Variants in ROBO1 observed in about 807,000 individuals in gnomAD.
ROBO1 encodes roundabout guidance receptor 1, also known as roundabout homolog 1.
Under a neutral mutation model 195.9 loss-of-function variants are expected in ROBO1, and 149 were observed. The observed-to-expected ratio is 0.76, with a 90% CI of 0.67 to 0.87. ROBO1 has a LOEUF of 0.87. Among genes scored for constraint, ROBO1 ranks in the 40% least tolerant of loss-of-function variants. ROBO1 has a pLI of 0.00. For missense variants in ROBO1, 1,933 were observed against 2,068.3 expected (o/e 0.93, Z 1.27); for synonymous variants, 816 against 733.2 (o/e 1.11, Z -1.82).
chr3:79,333,205 TA>T (rs72117935), intron 2 of ROBO1, among the ~76,000 whole-genome samples: 15,702 of 130,240 alleles, frequency 0.12, 825 homozygotes, highest in Middle Eastern at 0.16. Flanking sequence ...AGACTCTGTC[TA>T]AAAAAAAAAA....
intron 5 of ROBO1, among the ~76,000 whole-genome samples, chr3:78,729,938 C>A (rs2108178962): frequency 6.6e-6 from 1 of 152,244 alleles, no homozygotes; most frequent in South Asian, 2.1e-4. Context: ...AAAACAAAGT[C>A]TTATGGGCAA....
chr3:79,014,481 A>G (rs2077871614), intron 3 of ROBO1, among the ~76,000 whole-genome samples: 1 of 152,166 alleles, frequency 6.6e-6, no homozygotes, highest in South Asian at 2.1e-4. Flanking sequence ...TCAAAAAAAG[A>G]AAAAGAAATC....
chr3:79,520,970 T>C (rs1941183257), intron 2 of ROBO1, among the ~76,000 whole-genome samples: 1 of 152,192 alleles, frequency 6.6e-6, no homozygotes, highest in African/African-American at 2.4e-5. Context: ...TTAGTGAAAT[T>C]ATCTAGACCA....
At chr3:79,293,627 G>A (rs2032394320) in intron 2 of ROBO1, among the ~76,000 whole-genome samples, 1 of 152,170 alleles carries the variant, frequency 6.6e-6, no homozygotes, top group South Asian at 2.1e-4. Flanking sequence ...GGAAATAGCA[G>A]AGGACATGAA....
At chr3:79,469,234 A>C (rs1275779293) in intron 2 of ROBO1, among the ~76,000 whole-genome samples, 1 of 152,192 alleles carries the variant, frequency 6.6e-6, no homozygotes, top group Non-Finnish European at 1.5e-5. Flanking sequence ...GAAAGTTATT[A>C]GAAATTATAG....
intron 2 of ROBO1, among the ~76,000 whole-genome samples, chr3:79,344,784 G>C (rs1423357368): frequency 1.3e-5 from 2 of 152,060 alleles, no homozygotes; most frequent in African/African-American, 4.8e-5. Context: ...CTCATCCCCA[G>C]TTGTAATCCC....
chr3:79,568,133 CATT>C (rs1303048726), intron 2 of ROBO1, among the ~76,000 whole-genome samples: 5 of 152,032 alleles, frequency 3.3e-5, no homozygotes, highest in Non-Finnish European at 5.9e-5. Context: ...ATTCAGACAT[CATT>C]GTTACTATTT....
At chr3:79,052,230 T>G (rs944763354) in intron 3 of ROBO1, among the ~76,000 whole-genome samples, 2 of 151,662 alleles carry the variant, frequency 1.3e-5, no homozygotes, top group African/African-American at 2.4e-5. Context: ...GCTCTGGGAG[T>G]GTTTGTCTTA....
intron 2 of ROBO1, among the ~76,000 whole-genome samples, chr3:79,349,236 T>C (rs2035249193): frequency 6.6e-6 from 1 of 152,160 alleles, no homozygotes. Context: ...TTGAAGTAAA[T>C]GCTTCCTTAG....
chr3:78,694,510 G>A (rs1024756470), intron 8 of ROBO1, among the ~76,000 whole-genome samples: 1 of 152,142 alleles, frequency 6.6e-6, no homozygotes, highest in African/African-American at 2.4e-5. Flanking sequence ...CCTTCAACAG[G>A]AGTGAAATAA....
intron 26 of ROBO1, among the ~76,000 whole-genome samples, chr3:78,625,243 A>C (rs1031812926): frequency 1.3e-5 from 2 of 152,220 alleles, no homozygotes; most frequent in Admixed American, 6.5e-5. Flanking sequence ...TTTTGGATTA[A>C]AGTGACTTCA....
intron 4 of ROBO1, among the ~76,000 whole-genome samples, chr3:78,774,140 C>T (rs1021801855): frequency 1.3e-5 from 2 of 152,142 alleles, no homozygotes; most frequent in Non-Finnish European, 2.9e-5. Context: ...AAGTCCTTTT[C>T]ATTTATTCTT....
intron 4 of ROBO1, among the ~76,000 whole-genome samples, chr3:78,779,367 G>A (rs1171693884): frequency 6.6e-6 from 1 of 151,956 alleles, no homozygotes; most frequent in East Asian, 1.9e-4. Context: ...TCTGACAAAG[G>A]GCTAATATCC....
intron 2 of ROBO1, among the ~76,000 whole-genome samples, chr3:79,127,212 T>A (rs1167704914): frequency 6.6e-6 from 1 of 152,158 alleles, no homozygotes; most frequent in Non-Finnish European, 1.5e-5. Context: ...GTCAAACTTT[T>A]AAGCCACATC....
chr3:79,243,018 G>A (rs1264030237), intron 2 of ROBO1, among the ~76,000 whole-genome samples: 1 of 126,690 alleles, frequency 7.9e-6, no homozygotes, highest in East Asian at 2.3e-4. Context: ...GGTGTGTGAT[G>A]TTCCCCTTCC....
intron 2 of ROBO1, among the ~76,000 whole-genome samples, chr3:79,502,715 G>A (rs1411490084): frequency 9.5e-5 from 2 of 21,006 alleles, no homozygotes; most frequent in East Asian, 1.2e-3. Flanking sequence ...GAATCTTTAT[G>A]TCTAGCTAAG....
intron 3 of ROBO1, among the ~76,000 whole-genome samples, chr3:79,026,387 A>C (rs1454004650): frequency 6.6e-6 from 1 of 152,118 alleles, no homozygotes; most frequent in East Asian, 1.9e-4. Context: ...GAAGAAAGCT[A>C]TCAGTGTGTA....
At chr3:78,834,299 A>C (rs1194618694) in intron 4 of ROBO1, among the ~76,000 whole-genome samples, 1 of 151,806 alleles carries the variant, frequency 6.6e-6, no homozygotes, top group Non-Finnish European at 1.5e-5. Flanking sequence ...CTGGGAATAA[A>C]TTTTGTTCTT....
chr3:78,605,151 C>T (rs1703395299), intron 29 of ROBO1, among the ~76,000 whole-genome samples: 1 of 152,214 alleles, frequency 6.6e-6, no homozygotes, highest in African/African-American at 2.4e-5. Context: ...GCTTGGTTTA[C>T]ATTCAACTTT....
Sources: allele counts gnomAD v4.1 joint callset (sites outside exome capture counted in the v4.1 genomes callset), GRCh38; gene constraint gnomAD v4.1.1; transcripts MANE v1.5; gene names NCBI Gene and HGNC (gene_info 2026-07-23, HGNC 2026-07-21).